FNDC3A: variants seen among roughly 807,000 people sequenced by gnomAD.
FNDC3A encodes the protein fibronectin type III domain containing 3A, also known as fibronectin type-III domain-containing protein 3A.
Under a neutral mutation model 148.9 loss-of-function variants are expected in FNDC3A, and 32 were observed. The ratio of observed to expected loss-of-function variants is 0.21; its 90% confidence interval spans 0.16 to 0.29. The LOEUF (loss-of-function observed/expected upper bound fraction) is 0.29. Among genes scored for constraint, FNDC3A ranks in the 10% least tolerant of loss-of-function variants. FNDC3A has a pLI of 1.00. For missense variants in FNDC3A, 1,191 were observed against 1,452.8 expected (o/e 0.82, Z 2.93); for synonymous variants, 472 against 473.6 (o/e 1.00, Z 0.04).
chr13:49,168,634 T>C lies in FNDC3A; in HGVS notation c.1059T>C (p.Ser353=). 6.2e-7 allele frequency: 1 copy of C among 1,610,652 alleles called. No individual in the cohort carries two copies. The highest frequency in any genetic ancestry group is 8.5e-7 in the Non-Finnish European group (1 of 1,176,902). The stretch of plus-strand genomic sequence containing the variant: ...ATAGAGTCCAGGCAGAATATAATTC[T>C]ATAAAGGGAACTCCTTCAGAGGCTG... ...YHAKVQAEYN[S]IKGTPSEAEI... The change falls in exon 10 of 26, where the codon TCT becomes TCC. Residue 353 remains serine (S), a synonymous_variant. Transcript: ENST00000492622.
chr13:49,023,871 A>G (rs1337156817), intron 2 of FNDC3A, among the ~76,000 whole-genome samples: 2 of 152,000 alleles, frequency 1.3e-5, no homozygotes, highest in Admixed American at 6.6e-5. Flanking sequence ...TAGTTGTTGA[A>G]GTAGAAATTG....
intron 11 of FNDC3A, 137 bp from the exon 12 acceptor site, chr13:49,174,298 C>A: frequency 1.6e-6 from 1 of 608,274 alleles, no homozygotes; most frequent in Non-Finnish European, 2.9e-6. Flanking sequence ...AAAAGATGTG[C>A]TGTATCTCAG....
intron 5 of FNDC3A, among the ~76,000 whole-genome samples, chr13:49,134,110 C>G (rs965427320): frequency 6.6e-6 from 1 of 152,040 alleles, no homozygotes; most frequent in Admixed American, 6.6e-5. Flanking sequence ...TATTAAGTAC[C>G]ACTGTCTAAT....
intron 4 of FNDC3A, among the ~76,000 whole-genome samples, chr13:49,130,205 G>A (rs1881943163): frequency 6.6e-6 from 1 of 150,976 alleles, no homozygotes; most frequent in Non-Finnish European, 1.5e-5. Context: ...TCCCCACGGT[G>A]TAATTCCTGT....
At chr13:49,016,786 A>G (rs963908791) in intron 2 of FNDC3A, among the ~76,000 whole-genome samples, 288 of 151,908 alleles carry the variant, frequency 1.9e-3, no homozygotes, top group African/African-American at 6.7e-3. Flanking sequence ...CGTCCCAGAG[A>G]TTCTGGTATG....
chr13:49,178,142 T>C (rs1217603074), intron 13 of FNDC3A, among the ~76,000 whole-genome samples: 1 of 152,196 alleles, frequency 6.6e-6, no homozygotes, highest in Admixed American at 6.5e-5. Context: ...AATTAACCCT[T>C]CAATTATTTA....
chr13:49,186,184 T>C, intron 15 of FNDC3A, 82 bp downstream of exon 15: 1 of 1,174,050 alleles, frequency 8.5e-7, no homozygotes, highest in Non-Finnish European at 1.2e-6. Flanking sequence ...TTTTAAGATA[T>C]TTGAGTAAAT....
intron 23 of FNDC3A, among the ~76,000 whole-genome samples, chr13:49,199,160 A>G (rs1401675466): frequency 1.3e-5 from 2 of 151,860 alleles, no homozygotes; most frequent in Non-Finnish European, 2.9e-5. Context: ...ATCTGTGACC[A>G]CAGGCGTGGG....
intron 2 of FNDC3A, among the ~76,000 whole-genome samples, chr13:49,064,411 C>CCCCA (rs1555286179): frequency 6.2e-4 from 56 of 89,976 alleles, no homozygotes; most frequent in Middle Eastern, 5.3e-3. Context: ...GCCCCCCCCC[C>CCCCA]AAAAAAAAAA....
intron 2 of FNDC3A, among the ~76,000 whole-genome samples, 170 bp from the exon 3 acceptor site, chr13:49,075,119 A>G (rs1878007933): frequency 6.6e-6 from 1 of 152,098 alleles, no homozygotes; most frequent in South Asian, 2.1e-4. Context: ...TCTAACCTCC[A>G]GAAAAGTGAT....
rs376708332 is a variant in FNDC3A, at chr13:49,198,080, C to A, written c.2589C>A (p.Ser863Arg). The change falls in exon 22 of 26, where the codon AGC becomes AGA. Residue 863 changes from serine (S) to arginine (R), a missense_variant. By Grantham distance (110) the Ser-to-Arg change is moderately radical. This residue lies in a region of FNDC3A where 751 missense variants were observed against 944.0 expected (regional missense o/e 0.80). Transcript: ENST00000492622. ...TTGTGACCTGTCTTCAAGAAATAAG[C>A]GATGATGAGATAGAAAATCCCCATT... ...PGIVTCLQEISDDEIENPHYS... is the reference protein window; with the variant it reads ...PGIVTCLQEIRDDEIENPHYS... 1 of 1,614,024 alleles carries A rather than the reference C, an allele frequency of 6.2e-7. No homozygotes were observed. Among genetic ancestry groups the A allele is most frequent in the South Asian group, 1.1e-5 (1 of 91,074 alleles).
rs140686831 is a variant in FNDC3A at position 49,187,142 on chromosome 13, G to A, written c.1777G>A (p.Gly593Arg). 7 of 1,612,568 alleles carry A rather than the reference G, an allele frequency of 4.3e-6. No individual in the cohort carries two copies. Among genetic ancestry groups the A allele is most frequent in the East Asian group, 2.2e-5 (1 of 44,814 alleles). ...ITWDPPKDNGGATINKYVVEM... is the reference protein window; with the variant it reads ...ITWDPPKDNGRATINKYVVEM... ...GATAGATCCACCAAAAGACAATGGC[G>A]GAGCAACCATCAATAAATATGTAGT... The change falls in exon 16 of 26, where the codon GGA (glycine) becomes AGA (arginine). Residue 593 changes from glycine (G) to arginine (R), a missense_variant. By Grantham distance (125) the Gly-to-Arg change is moderately radical (BLOSUM62 -2). This residue lies in a region of FNDC3A where 751 missense variants were observed against 944.0 expected (regional missense o/e 0.80). Transcript: ENST00000492622.
intron 1 of FNDC3A, among the ~76,000 whole-genome samples, chr13:49,001,056 A>C (rs927272283): frequency 6.6e-6 from 1 of 151,898 alleles, no homozygotes; most frequent in African/African-American, 2.4e-5. Context: ...CTTCCTGTCC[A>C]GTTTAGATGC....
chr13:49,187,199 G>A lies in FNDC3A; in HGVS notation c.1825+9G>A. 2 of 1,563,244 alleles carry A rather than the reference G, an allele frequency of 1.3e-6. No individual in the cohort carries two copies. Among genetic ancestry groups the A allele is most frequent in the Non-Finnish European group, 1.8e-6 (2 of 1,135,448 alleles). On this transcript the variant is annotated intron_variant, in intron 16 of 25. Coordinates refer to ENST00000492622, the MANE Select transcript of FNDC3A (RefSeq NM_001079673.2). Reference sequence around the variant, plus strand: ...GGCAGAAGGTTCTAACGGTATGAATGGATATTAAACACTGATAGATTTATT... The same window carrying A: ...GGCAGAAGGTTCTAACGGTATGAATAGATATTAAACACTGATAGATTTATT...
At chr13:49,085,202 C>G (rs191760625) in intron 3 of FNDC3A, among the ~76,000 whole-genome samples, 9 of 152,326 alleles carry the variant, frequency 5.9e-5, no homozygotes, top group African/African-American at 1.9e-4. Context: ...CTTTGCAGAG[C>G]ATTTTTTAGC....
intron 1 of FNDC3A, among the ~76,000 whole-genome samples, chr13:48,988,340 T>G (rs998011196): frequency 3.9e-5 from 6 of 152,082 alleles, no homozygotes; most frequent in Non-Finnish European, 8.8e-5. Flanking sequence ...AAGCATAAAT[T>G]CATAAACAGT....
chr13:49,158,107 C>T (rs924397084), intron 8 of FNDC3A, among the ~76,000 whole-genome samples: 1 of 152,234 alleles, frequency 6.6e-6, no homozygotes, highest in Non-Finnish European at 1.5e-5. Flanking sequence ...ATGGCGGGCG[C>T]CCCTCCCCCA....
At position 49,203,207 on chromosome 13, in the gene FNDC3A, T is replaced by C; in HGVS notation, c.3205T>C (p.Cys1069Arg). 1.2e-6 allele frequency: 2 copies of C among 1,603,036 alleles called. No homozygotes were observed. The highest frequency in any genetic ancestry group is 1.7e-6 in the Non-Finnish European group (2 of 1,170,930). ...TCACATTTGTGAAATTACATGGGAGTGTTTACAGCCAATGAAAGGTGATCC... is the reference window on the plus strand; with the variant it reads ...TCACATTTGTGAAATTACATGGGAGCGTTTACAGCCAATGAAAGGTGATCC... ...NDHICEITWE[C>R]LQPMKGDPVI... Residue 1069 changes from cysteine (C) to arginine (R), a missense_variant, in exon 25 of 26, where the codon TGT (cysteine) becomes CGT (arginine). Physicochemically the swap from Cys to Arg is radical, Grantham distance 180 (BLOSUM62 -3). Coordinates refer to ENST00000492622, the MANE Select transcript of FNDC3A (RefSeq NM_001079673.2).
intron 2 of FNDC3A, among the ~76,000 whole-genome samples, chr13:49,015,349 C>G (rs1331469701): frequency 1.3e-5 from 2 of 152,120 alleles, no homozygotes; most frequent in Admixed American, 1.3e-4. Flanking sequence ...GTATTTTATT[C>G]TCTTTGAAGC....
Sources: gnomAD v4.1 joint callset for allele counts (sites outside exome capture counted in the v4.1 genomes callset) on GRCh38, gnomAD v4.1.1 for gene constraint, gnomAD v4.1.1 regional missense constraint, MANE v1.5 for transcripts, NCBI Gene and HGNC (gene_info 2026-07-23, HGNC 2026-07-21) for gene names.